MACROD2: variants seen among roughly 807,000 people sequenced by gnomAD.
MACROD2 encodes mono-ADP ribosylhydrolase 2.
Under a neutral mutation model 70.4 loss-of-function variants are expected in MACROD2, and 36 were observed. The observed-to-expected ratio is 0.51, with a 90% CI of 0.39 to 0.68. The LOEUF is 0.68. Ranked by LOEUF, MACROD2 falls within the 30% of genes least tolerant of loss-of-function variation. MACROD2 has a pLI of 0.00. For missense variants in MACROD2, 496 were observed against 538.4 expected (o/e 0.92, Z 0.78); for synonymous variants, 172 against 178.8 (o/e 0.96, Z 0.30).
intron 5 of MACROD2, among the ~76,000 whole-genome samples, chr20:14,740,366 A>G (rs1471346827): frequency 1.3e-5 from 2 of 152,052 alleles, no homozygotes; most frequent in African/African-American, 4.8e-5. Flanking sequence ...TTTCTCTATC[A>G]CCCTACTAAA....
chr20:14,547,771 C>G (rs1015668132), intron 4 of MACROD2: 1 of 152,220 alleles, frequency 6.6e-6, no homozygotes, highest in Non-Finnish European at 1.5e-5. Context: ...AGATTCTCCT[C>G]GATTGTGTAC....
intron 7 of MACROD2, among the ~76,000 whole-genome samples, chr20:15,477,594 A>T (rs999149841): frequency 6.6e-6 from 1 of 152,034 alleles, no homozygotes; most frequent in South Asian, 2.1e-4. Context: ...AGGGGAGTAA[A>T]CCCAATGAAG....
chr20:15,719,750 G>T (rs1014249050), intron 8 of MACROD2, among the ~76,000 whole-genome samples: 1 of 151,956 alleles, frequency 6.6e-6, no homozygotes, highest in Admixed American at 6.6e-5. Flanking sequence ...ATCAAATCAG[G>T]GTAATTAGCA....
At position 15,862,843 on chromosome 20, in the gene MACROD2, C is replaced by A. The variant is rs1163656756; in HGVS notation, c.727+17C>A. ...TCTCCGTAGGTGAGTAAAGCAACTT[C>A]TTGTTTTCTTTCAAATTGAGGATGG... On this transcript the variant is annotated intron_variant, in intron 9 of 17. Transcript: ENST00000684519. 1 of 1,572,730 alleles carries A rather than the reference C, an allele frequency of 6.4e-7. No homozygotes were observed. The highest frequency in any genetic ancestry group is 8.7e-7 in the Non-Finnish European group (1 of 1,149,316).
intron 3 of MACROD2, among the ~76,000 whole-genome samples, chr20:14,468,984 T>C (rs906330915): frequency 6.6e-6 from 1 of 152,140 alleles, no homozygotes; most frequent in African/African-American, 2.4e-5. Context: ...ATTATGATGC[T>C]AGCTGGTTAT....
At chr20:15,177,487 C>T (rs1206385611) in intron 5 of MACROD2, among the ~76,000 whole-genome samples, 4 of 152,180 alleles carry the variant, frequency 2.6e-5, no homozygotes, top group Non-Finnish European at 5.9e-5. Flanking sequence ...TCACACATGT[C>T]AGAGCTGCTG....
At chr20:14,435,846 A>G (rs1287059756) in intron 3 of MACROD2, among the ~76,000 whole-genome samples, 1 of 151,884 alleles carries the variant, frequency 6.6e-6, no homozygotes, top group Non-Finnish European at 1.5e-5. Context: ...AGCTGGGTCT[A>G]CTGGTGCCCG....
chr20:15,421,236 G>GGT lies in MACROD2; in HGVS notation c.541-10165_541-10164dup, dbSNP rs1389195932. Among the ~76,000 whole-genome samples, 4 of 152,026 alleles carry GGT rather than the reference G, an allele frequency of 2.6e-5. No homozygotes were observed. In the East Asian group the frequency reaches 7.8e-4, roughly 29 times the overall value. ...CTACAAAACATGCAAAAATTAACCA[G>GGT]GTGTGGTGGCATGCACCTGTAGTCC... On this transcript the variant is annotated intron_variant, in intron 6 of 17. Transcript: ENST00000684519.
intron 13 of MACROD2, among the ~76,000 whole-genome samples, chr20:15,976,369 T>C (rs778690734): frequency 6.6e-6 from 1 of 152,208 alleles, no homozygotes; most frequent in Non-Finnish European, 1.5e-5. Flanking sequence ...GCTGATTGAG[T>C]TCACTGTATG....
rs182785191 is a variant in MACROD2 at position 14,706,183 on chromosome 20, A to G, written c.418+21224A>G. 2.1e-3 allele frequency among the ~76,000 whole-genome samples: 318 copies of G among 152,090 alleles called. 1 individual carries two copies. The highest frequency in any genetic ancestry group is 3.6e-3 in the Non-Finnish European group (247 of 67,964). The stretch of plus-strand genomic sequence containing the variant: ...ACAAAAATTAGCTGGGTGTGGTGGC[A>G]CACACCTGTAGTCCCAGCTACTGTG... On this transcript the variant is annotated intron_variant, in intron 5 of 17. Coordinates refer to ENST00000684519, the MANE Select transcript of MACROD2 (RefSeq NM_001351661.2).
intron 3 of MACROD2, among the ~76,000 whole-genome samples, chr20:14,243,725 C>A (rs2081947183): frequency 6.6e-6 from 1 of 152,184 alleles, no homozygotes; most frequent in Admixed American, 6.6e-5. Flanking sequence ...GAAACCAAGG[C>A]TGTTTTGAAC....
intron 5 of MACROD2, among the ~76,000 whole-genome samples, chr20:15,100,133 C>T (rs1313001042): frequency 2.0e-5 from 3 of 151,976 alleles, no homozygotes; most frequent in East Asian, 3.9e-4. Flanking sequence ...GACAGGGTCT[C>T]GCCATGTTGC....
intron 12 of MACROD2, among the ~76,000 whole-genome samples, chr20:15,963,767 T>G (rs2066098804): frequency 6.6e-6 from 1 of 152,204 alleles, no homozygotes; most frequent in Admixed American, 6.5e-5. Context: ...TTTTATGAAG[T>G]TTTTCATTTT....
intron 6 of MACROD2, among the ~76,000 whole-genome samples, chr20:15,373,855 A>C (rs1337430924): frequency 6.6e-6 from 1 of 152,170 alleles, no homozygotes; most frequent in Non-Finnish European, 1.5e-5. Flanking sequence ...CATTTTTTGT[A>C]AATATTTGCA....
intron 8 of MACROD2, among the ~76,000 whole-genome samples, chr20:15,776,621 T>C (rs760907012): frequency 2.6e-5 from 4 of 152,204 alleles, no homozygotes; most frequent in Admixed American, 1.3e-4. Context: ...CTGATATACA[T>C]TGATACTCTT....
At chr20:15,739,320 A>C (rs2051069909) in intron 8 of MACROD2, among the ~76,000 whole-genome samples, 1 of 152,206 alleles carries the variant, frequency 6.6e-6, no homozygotes, top group Non-Finnish European at 1.5e-5. Context: ...AATAATTTGG[A>C]GCTCACATGA....
chr20:14,534,236 G>A (rs1651051784), intron 4 of MACROD2, among the ~76,000 whole-genome samples: 1 of 152,158 alleles, frequency 6.6e-6, no homozygotes, highest in African/African-American at 2.4e-5. Context: ...ATTTTCCTCA[G>A]TGTGAGTGGT....
intron 3 of MACROD2, among the ~76,000 whole-genome samples, chr20:14,164,164 T>C (rs2055231449): frequency 6.6e-6 from 1 of 152,162 alleles, no homozygotes; most frequent in African/African-American, 2.4e-5. Context: ...TGGCTTTGAT[T>C]CTGGGTGTGT....
At chr20:14,209,713 C>A (rs547058780) in intron 3 of MACROD2, among the ~76,000 whole-genome samples, 1 of 152,086 alleles carries the variant, frequency 6.6e-6, no homozygotes, top group South Asian at 2.1e-4. Context: ...GTAGGGCATC[C>A]GAGCCAGACA....
Sources: allele counts gnomAD v4.1 joint callset (sites outside exome capture counted in the v4.1 genomes callset), GRCh38; gene constraint gnomAD v4.1.1; transcripts MANE v1.5; gene names NCBI Gene and HGNC (gene_info 2026-07-23, HGNC 2026-07-21).